Variants in ATG9B observed in about 807,000 individuals in gnomAD.
The protein encoded by ATG9B is autophagy-related protein 9B.
A neutral mutation model predicts 92.9 loss-of-function variants in ATG9B; 92 were observed. That is an observed-to-expected ratio of 0.99 (90% CI 0.84 to 1.18). The LOEUF is 1.18. Among genes scored for constraint, ATG9B ranks in the 50% most tolerant of loss-of-function variants. The pLI, the probability that ATG9B is intolerant of heterozygous loss-of-function variation, is 0.00. For missense variants in ATG9B, 1,344 were observed against 1,235.0 expected (o/e 1.09, Z -1.32); for synonymous variants, 599 against 551.4 (o/e 1.09, Z -1.21).
At position 151,017,042 on chromosome 7, in the gene ATG9B, C is replaced by T. The variant is rs1460612291; in HGVS notation, c.2283G>A (p.Ser761=). 3.8e-6 allele frequency: 6 copies of T among 1,587,158 alleles called. No homozygotes were observed. Among genetic ancestry groups the T allele is most frequent in the Middle Eastern group, 1.8e-4 (1 of 5,550 alleles). ...GGCCAGGCTTGGGACTCACCAGGGG[C>T]GAGGTGCAGTTGCTGAGCACCCCCG... is the stretch of plus-strand genomic sequence containing the variant. ...STPGVLSNCT[S]PLPEAFLANL... Residue 761 remains serine (S), a synonymous_variant, in exon 9 of 14, where the codon TCG becomes TCA. Coordinates refer to ENST00000639579, the MANE Select transcript of ATG9B (RefSeq NM_001317056.2).
chr7:151,017,543 T>C (rs1795551193), intron 8 of ATG9B, among the ~76,000 whole-genome samples: 1 of 152,090 alleles, frequency 6.6e-6, no homozygotes, highest in Admixed American at 6.5e-5. Context: ...CAGTCCTTAC[T>C]CAGCCCCACC....
At chr7:151,016,943 G>T in intron 9 of ATG9B, 93 bp downstream of exon 9, 1 of 1,498,412 alleles carries the variant, frequency 6.7e-7, no homozygotes, top group Non-Finnish European at 9.0e-7. Flanking sequence ...GGCTGGTGAG[G>T]CAGGTTACTA....
At position 151,024,374 on chromosome 7, in the gene ATG9B, C is replaced by T. The variant is rs1450985253; in HGVS notation, c.50G>A (p.Trp17Ter). ...CACCGATCCGGGCCCCAGATCTCCCCACCGCCCCAGCCGCCTTCTTCTCCC... is the reference window on the plus strand; with the variant it reads ...CACCGATCCGGGCCCCAGATCTCCCTACCGCCCCAGCCGCCTTCTTCTCCC... The part of the protein sequence containing the change: ...WGGRRRRLGR[W>*]GDLGPGSVPL... The change falls in exon 1 of 14, where the codon TGG becomes TAG. Residue 17 changes from tryptophan to a stop codon, truncating the protein, a stop_gained. Coordinates refer to ENST00000639579, the MANE Select transcript of ATG9B (RefSeq NM_001317056.2). LOFTEE classifies it high-confidence loss of function. 4.3e-6 allele frequency: 6 copies of T among 1,380,068 alleles called. No homozygotes were observed. The highest frequency in any genetic ancestry group is 4.7e-6 in the Non-Finnish European group (5 of 1,062,084). The allele number at this position is 1,380,068 out of a possible 1,614,324, so 85.5% of individuals were successfully genotyped here.
At chr7:151,016,340 A>T (rs1795481869) in intron 11 of ATG9B, 91 bp downstream of exon 11, 1 of 1,507,684 alleles carries the variant, frequency 6.6e-7, no homozygotes, top group African/African-American at 1.4e-5. Flanking sequence ...CCACTCTGCT[A>T]GACCCTTCCG....
chr7:151,022,984 G>A (rs11760487), intron 4 of ATG9B, 61 bp downstream of exon 4: 226,109 of 1,601,912 alleles, frequency 0.14, 17,293 homozygotes, highest in South Asian at 0.22. Flanking sequence ...TGGGGCTCCC[G>A]TCTACTCCTC....
intron 3 of ATG9B, 119 bp downstream of exon 3, chr7:151,023,326 C>T (rs1795822760): frequency 1.9e-6 from 3 of 1,598,034 alleles, no homozygotes; most frequent in South Asian, 2.2e-5. Context: ...CCTGCTGAGC[C>T]CTTGGGCTGC....
Position 151,016,761 on chromosome 7 carries a change from G to T in ATG9B, c.2350C>A (p.Pro784Thr). Residue 784 changes from proline (P) to threonine (T), a missense_variant, in exon 10 of 14, where the codon CCG (proline) becomes ACG (threonine). By Grantham distance (38) the Pro-to-Thr change is conservative. Coordinates refer to ENST00000639579, the MANE Select transcript of ATG9B (RefSeq NM_001317056.2). ...GCCGCAGCTGGACAGGGGGCTGTCGGGCTCAGATCTCTCGGAGGCAGGAGA... is the reference window on the plus strand; with the variant it reads ...GCCGCAGCTGGACAGGGGGCTGTCGTGCTCAGATCTCTCGGAGGCAGGAGA... ...HPLLPPRDLS[P>T]TAPCPAAATA... 6.2e-7 allele frequency: 1 copy of T among 1,613,054 alleles called. No individual in the cohort carries two copies. The highest frequency in any genetic ancestry group is 8.5e-7 in the Non-Finnish European group (1 of 1,179,700).
chr7:151,016,048 G>A (rs1245272976), intron 12 of ATG9B, 25 bp from the exon 13 acceptor site: 3 of 1,550,462 alleles, frequency 1.9e-6, no homozygotes, highest in African/African-American at 2.7e-5. Context: ...CATCAGCTGG[G>A]CAGTTCCATG....
Position 151,023,976 on chromosome 7 carries a change from C to A in ATG9B, c.448G>T (p.Asp150Tyr), listed in dbSNP as rs1199554139. Residue 150 changes from aspartate (D) to tyrosine (Y), a missense_variant, in exon 1 of 14, where the codon GAT (aspartate) becomes TAT (tyrosine). Transcript: ENST00000639579. ...LRVGPLIPEQ[D>Y]YERLEDCDPE... ...TCACAGTCCTCCAGCCGCTCATAATCCTGTTCAGGGATCAAAGGGCCTACC... is the reference window on the plus strand; with the variant it reads ...TCACAGTCCTCCAGCCGCTCATAATACTGTTCAGGGATCAAAGGGCCTACC... 1.3e-6 allele frequency: 2 copies of A among 1,592,654 alleles called. No individual in the cohort carries two copies. The highest frequency in any genetic ancestry group is 2.3e-5 in the East Asian group (1 of 43,944).
chr7:151,022,686 T>TA (rs1795794876), intron 4 of ATG9B, among the ~76,000 whole-genome samples: 1 of 151,508 alleles, frequency 6.6e-6, no homozygotes. Context: ...CTGTCTCTAC[T>TA]AAAAATACAC....
At chr7:151,013,349 C>A (rs766690710), downstream of ATG9B, 5 of 1,613,574 alleles carry the variant, frequency 3.1e-6, no homozygotes, top group Admixed American at 8.3e-5. Flanking sequence ...GAGTCCTCAC[C>A]GCCTTCTCCC....
chr7:151,016,945 A>AG, intron 9 of ATG9B, 91 bp downstream of exon 9: 1 of 1,497,394 alleles, frequency 6.7e-7, no homozygotes, highest in Non-Finnish European at 9.0e-7. Flanking sequence ...CTGGTGAGGC[A>AG]GGTTACTACC....
chr7:151,023,313 G>A, intron 3 of ATG9B, 107 bp from the exon 4 acceptor site: 1 of 1,597,456 alleles, frequency 6.3e-7, no homozygotes, highest in Non-Finnish European at 8.6e-7. Flanking sequence ...CCCTGACCCT[G>A]CCCCTGCTGA....
rs1215662085 is a variant in ATG9B at position 151,021,200 on chromosome 7, C to T, written c.951G>A (p.Leu317=). Residue 317 remains leucine (L), a synonymous_variant, in exon 5 of 14, where the codon CTG becomes CTA. Transcript: ENST00000639579. Reference sequence around the variant, plus strand: ...CCACCCAGCTCACCGGGGGGATGTGCAGGGCCTCCCTGTAAAACACCTGGA... The same window carrying T: ...CCACCCAGCTCACCGGGGGGATGTGTAGGGCCTCCCTGTAAAACACCTGGA... The part of the protein sequence containing the change: ...WDIQVFYREA[L]HIPPEELSSV... 4 of 1,613,262 alleles carry T rather than the reference C, an allele frequency of 2.5e-6. No homozygotes were observed. The highest frequency in any genetic ancestry group is 3.4e-6 in the Non-Finnish European group (4 of 1,179,864).
At position 151,017,241 on chromosome 7, in the gene ATG9B, A is replaced by G; in HGVS notation, c.2084T>C (p.Leu695Pro). Reference sequence around the variant, plus strand: ...CTTGCCGTCCTCCGCACGCTGAGACAGCGAGGCCTCAGTCTGTCCCGCCGA... The same window carrying G: ...CTTGCCGTCCTCCGCACGCTGAGACGGCGAGGCCTCAGTCTGTCCCGCCGA... ...WLSAGQTEAS[L>P]SQRAEDGKTE... The change falls in exon 9 of 14, where the codon CTG (leucine) becomes CCG (proline). Residue 695 changes from leucine (L) to proline (P), a missense_variant. Leu to Pro is a moderately conservative substitution (Grantham distance 98, BLOSUM62 -3). Coordinates refer to ENST00000639579, the MANE Select transcript of ATG9B (RefSeq NM_001317056.2). 1 of 1,605,902 alleles carries G rather than the reference A, an allele frequency of 6.2e-7. No homozygotes were observed. The highest frequency in any genetic ancestry group is 8.5e-7 in the Non-Finnish European group (1 of 1,174,814).
At chr7:151,020,994 G>T in intron 5 of ATG9B, 194 bp downstream of exon 5, 1 of 620,702 alleles carries the variant, frequency 1.6e-6, no homozygotes, top group Non-Finnish European at 2.8e-6. Flanking sequence ...CTCCCTTAGG[G>T]TAAGGGCCAT....
chr7:151,018,330 G>A lies in ATG9B; in HGVS notation c.1836C>T (p.Ala612=). ...EEPGPGGRDR[A]YRQMAQLLQY... ...GCAGCAGCTGCGCCATCTGCCGGTA[G>A]GCGCGGTCCCTGCCGCCGGGGCCGG... Residue 612 remains alanine (A), a synonymous_variant, in exon 7 of 14, where the codon GCC becomes GCT. Coordinates refer to ENST00000639579, the MANE Select transcript of ATG9B (RefSeq NM_001317056.2). This position sits in a 1 kb window ranked among gnomAD's most constrained non-coding sequence, Gnocchi z 4.7. 1.3e-6 allele frequency: 2 copies of A among 1,590,568 alleles called. No individual in the cohort carries two copies. Among genetic ancestry groups the A allele is most frequent in the Non-Finnish European group, 1.7e-6 (2 of 1,171,924 alleles).
In ATG9B at chr7:151,019,107, G is replaced by C; in HGVS notation, c.1231C>G (p.Leu411Val). 2.0e-6 allele frequency: 3 copies of C among 1,535,950 alleles called. No homozygotes were observed. The highest frequency in any genetic ancestry group is 2.6e-6 in the Non-Finnish European group (3 of 1,146,588). ...DLLLFRGPFS[L>V]FRGGWELPHA... is the part of the protein sequence containing the mutation. ...GGCAGCTCCCAGCCCCCGCGGAAGA[G>C]CGAGAAGGGACCGCGGAAGAGCAGC... The change falls in exon 6 of 14, where the codon CTC becomes GTC. Residue 411 changes from leucine (L) to valine (V), a missense_variant. Physicochemically the swap from Leu to Val is conservative, Grantham distance 32 (BLOSUM62 1). Transcript: ENST00000639579.
downstream of ATG9B, chr7:151,014,253 C>A: frequency 7.4e-7 from 1 of 1,343,072 alleles, no homozygotes; most frequent in Non-Finnish European, 1.0e-6. Context: ...CCGCTCCTCC[C>A]CTCTTGAGGT....
Sources: gnomAD v4.1 joint callset for allele counts (sites outside exome capture counted in the v4.1 genomes callset) on GRCh38, gnomAD v4.1.1 for gene constraint, Gnocchi (gnomAD v3.1) non-coding constraint, MANE v1.5 for transcripts, NCBI Gene and HGNC (gene_info 2026-07-23, HGNC 2026-07-21) for gene names.